Variants in FKBP5 observed in about 807,000 individuals in gnomAD.
FKBP5 encodes FKBP prolyl isomerase 5, also known as peptidyl-prolyl cis-trans isomerase FKBP5.
Under a neutral mutation model 50.5 loss-of-function variants are expected in FKBP5, and 23 were observed. That is an observed-to-expected ratio of 0.46 (90% CI 0.33 to 0.65). FKBP5 has a LOEUF of 0.65. Ranked by LOEUF, FKBP5 falls within the 30% of genes least tolerant of loss-of-function variation. The pLI is 0.02. For synonymous variants in FKBP5, 176 were observed against 190.6 expected, an observed-to-expected ratio of 0.92 and a Z score of 0.63; for missense variants, 411 against 553.1, an observed-to-expected ratio of 0.74 and a Z score of 2.58.
chr6:35,582,076 C>A, intron 8 of FKBP5: 3 of 985,446 alleles, frequency 3.0e-6, no homozygotes, highest in Non-Finnish European at 3.6e-6. Flanking sequence ...GAAGATGGGG[C>A]AGACCTGTTC....
intron 6 of FKBP5, among the ~76,000 whole-genome samples, chr6:35,592,314 T>A (rs1762846220): frequency 6.6e-6 from 1 of 152,214 alleles, no homozygotes; most frequent in African/African-American, 2.4e-5. Flanking sequence ...TGCACCACTT[T>A]CTTTACCCTT....
intron 2 of FKBP5, among the ~76,000 whole-genome samples, chr6:35,701,992 T>A (rs1055082678): frequency 6.6e-6 from 1 of 151,900 alleles, no homozygotes; most frequent in Non-Finnish European, 1.5e-5. Flanking sequence ...GGATTACAAG[T>A]GTGCGCCACC....
At chr6:35,653,938 T>TA (rs530341271) in intron 1 of FKBP5, among the ~76,000 whole-genome samples, 5 of 151,820 alleles carry the variant, frequency 3.3e-5, no homozygotes, top group African/African-American at 1.2e-4. Flanking sequence ...TTTATTGACT[T>TA]AAAAAAAATA....
intron 1 of FKBP5, among the ~76,000 whole-genome samples, chr6:35,726,850 G>A (rs113312652): frequency 5.5e-4 from 83 of 152,288 alleles, no homozygotes; most frequent in African/African-American, 1.9e-3. Flanking sequence ...GGTGGGAGGC[G>A]GGGGCAGTGG....
intron 2 of FKBP5, among the ~76,000 whole-genome samples, chr6:35,720,128 A>G (rs1252216816): frequency 6.6e-6 from 1 of 152,020 alleles, no homozygotes; most frequent in Admixed American, 6.5e-5. Flanking sequence ...CCCCACCCCC[A>G]GCTGCAGCTG....
At chr6:35,583,594 C>T (rs764285242) in intron 8 of FKBP5, 37 of 977,702 alleles carry the variant, frequency 3.8e-5, no homozygotes, top group Non-Finnish European at 4.4e-5. Context: ...CCCCAGGGAA[C>T]ACCTGGCAGG....
intron 5 of FKBP5, among the ~76,000 whole-genome samples, chr6:35,609,616 T>C (rs1173319752): frequency 6.6e-6 from 1 of 152,186 alleles, no homozygotes; most frequent in African/African-American, 2.4e-5. Context: ...AGATGTTTGA[T>C]TGGATGCATA....
intron 5 of FKBP5, among the ~76,000 whole-genome samples, chr6:35,615,280 G>A (rs1362085366): frequency 6.6e-6 from 1 of 152,088 alleles, no homozygotes; most frequent in Non-Finnish European, 1.5e-5. Context: ...GTCTAGGAAT[G>A]ATGATATCCC....
At chr6:35,710,842 A>T (rs4713920) in intron 2 of FKBP5, among the ~76,000 whole-genome samples, 109,438 of 151,874 alleles carry the variant, frequency 0.72, 39,488 homozygotes, top group African/African-American at 0.77. Context: ...TATGTGCAAA[A>T]ACACGAACAA....
rs188342932 is a variant in FKBP5, at chr6:35,608,169, C to T, written c.509-10765G>A. The stretch of plus-strand genomic sequence containing the variant: ...TTCTCACTTATAAGTAGGAGCTAAA[C>T]CCTGAGTATACACAGACATAAAGAT... On this transcript the variant is annotated intron_variant, in intron 5 of 10. Coordinates refer to ENST00000357266, the MANE Select transcript of FKBP5 (RefSeq NM_004117.4). 1.9e-3 allele frequency among the ~76,000 whole-genome samples: 285 copies of T among 152,068 alleles called. 3 individuals carry two copies. The highest frequency in any genetic ancestry group is 6.0e-3 in the Admixed American group (92 of 15,252).
intron 2 of FKBP5, among the ~76,000 whole-genome samples, chr6:35,701,489 C>T (rs1397792205): frequency 1.3e-5 from 2 of 151,624 alleles, no homozygotes; most frequent in East Asian, 1.9e-4. Context: ...GTGATCCGCC[C>T]GCCTCGGCCT....
At chr6:35,583,744 T>C in intron 8 of FKBP5, 4 of 976,504 alleles carry the variant, frequency 4.1e-6, no homozygotes, top group Non-Finnish European at 4.9e-6. Context: ...CAAATGTTGA[T>C]AGTACTGAGG....
intron 1 of FKBP5, among the ~76,000 whole-genome samples, chr6:35,727,906 G>A (rs1766752140): frequency 6.6e-6 from 1 of 152,226 alleles, no homozygotes; most frequent in African/African-American, 2.4e-5. Context: ...AATGGGGGAT[G>A]GCTAGGTCTG....
At position 35,637,174 on chromosome 6, in the gene FKBP5, A is replaced by G. The variant is rs1223984755; in HGVS notation, c.106-16T>C. 2.5e-6 allele frequency: 4 copies of G among 1,601,094 alleles called. 1 individual carries two copies. In the South Asian group the frequency reaches 3.4e-5, roughly 14 times the overall value. ...TTTTGACAATCTAGAAAAGACAAACATTAAGAAAAAGGAGGTCAAACTTTT... is the reference window on the plus strand; with the variant it reads ...TTTTGACAATCTAGAAAAGACAAACGTTAAGAAAAAGGAGGTCAAACTTTT... On this transcript the variant is annotated splice_polypyrimidine_tract_variant and intron_variant, in intron 2 of 10. Coordinates refer to ENST00000357266, the MANE Select transcript of FKBP5 (RefSeq NM_004117.4).
chr6:35,623,229 G>A (rs748470432), intron 3 of FKBP5, among the ~76,000 whole-genome samples: 106 of 152,346 alleles, frequency 7.0e-4, no homozygotes, highest in African/African-American at 2.4e-3. Flanking sequence ...GCGAAAGAGC[G>A]AGACTCCGTC....
Position 35,618,405 on chromosome 6 carries a change from G to A in FKBP5, c.508+691C>T, listed in dbSNP as rs2150976825. On this transcript the variant is annotated intron_variant, in intron 5 of 10. Transcript: ENST00000357266. The stretch of plus-strand genomic sequence containing the variant: ...TTTTTTTTTTGGACAGAATCTTGCT[G>A]TTGTCCAGGCTGAAGCACAATGGCA... Among the ~76,000 whole-genome samples, 2 of 152,036 alleles carry A rather than the reference G, an allele frequency of 1.3e-5. 1 individual carries two copies. The highest frequency in any genetic ancestry group is 4.2e-4 in the South Asian group (2 of 4,804).
At chr6:35,630,659 T>C (rs111660464) in intron 3 of FKBP5, among the ~76,000 whole-genome samples, 5 of 152,360 alleles carry the variant, frequency 3.3e-5, no homozygotes, top group Admixed American at 6.5e-5. Context: ...AGATCTAACA[T>C]AACTTAAGAA....
intron 2 of FKBP5, among the ~76,000 whole-genome samples, chr6:35,701,445 G>A (rs550671312): frequency 5.9e-5 from 9 of 151,498 alleles, no homozygotes; most frequent in African/African-American, 1.9e-4. Flanking sequence ...GGGTTTCACC[G>A]TTTTAGCCGG....
chr6:35,704,692 AT>A (rs548395493), intron 2 of FKBP5, among the ~76,000 whole-genome samples: 2 of 140,236 alleles, frequency 1.4e-5, no homozygotes, highest in African/African-American at 5.6e-5. Context: ...ACTGTTTGCA[AT>A]CCCAATGACA....
Sources: gnomAD v4.1 joint callset for allele counts (sites outside exome capture counted in the v4.1 genomes callset) on GRCh38, gnomAD v4.1.1 for gene constraint, MANE v1.5 for transcripts, NCBI Gene and HGNC (gene_info 2026-07-23, HGNC 2026-07-21) for gene names.